The following SPTA1 variants were observed in gnomAD, a reference collection of about 807,000 sequenced individuals.
SPTA1 encodes spectrin alpha, erythrocytic 1.
A neutral mutation model predicts 324.7 loss-of-function variants in SPTA1; 177 were observed. The observed-to-expected ratio is 0.55, with a 90% CI of 0.48 to 0.62. The LOEUF (loss-of-function observed/expected upper bound fraction) is 0.62. Among genes scored for constraint, SPTA1 ranks in the 20% least tolerant of loss-of-function variants. SPTA1 has a pLI of 0.00. For synonymous variants in SPTA1, 1,195 were observed against 1,041.3 expected (o/e 1.15, Z -2.84); for missense variants, 3,162 against 2,883.6 (o/e 1.10, Z -2.21).
intron 44 of SPTA1, 117 bp from the exon 45 acceptor site, chr1:158,619,451 C>A: frequency 1.0e-6 from 1 of 970,226 alleles, no homozygotes; most frequent in South Asian, 1.3e-5. Context: ...ACCTATCTTC[C>A]ACAGGTATGT....
At chr1:158,634,848 C>A (rs1032315546) in intron 38 of SPTA1, among the ~76,000 whole-genome samples, 173 bp from the exon 39 acceptor site, 4 of 152,158 alleles carry the variant, frequency 2.6e-5, no homozygotes, top group Non-Finnish European at 5.9e-5. Flanking sequence ...TGGTGAAGAT[C>A]TGCTGTGAAA....
intron 10 of SPTA1, 118 bp from the exon 11 acceptor site, chr1:158,672,314 CT>C: frequency 1.8e-6 from 2 of 1,109,054 alleles, no homozygotes; most frequent in Admixed American, 4.5e-5. Context: ...AGCAAATGGG[CT>C]TTTAAGATTC....
rs1056563145 is a variant in SPTA1, at chr1:158,643,206, A to C, written c.4442+116T>G. The C allele has an allele frequency of 5.4e-6, 7 of 1,289,806 alleles. No individual in the cohort carries two copies. In the African/African-American group the frequency reaches 1.0e-4, roughly 19 times the overall value. 79.9% of individuals were successfully genotyped at this position (1,289,806 alleles called of 1,614,324 possible). A position where few individuals can be genotyped will look rare whatever the true frequency, so the allele number is the denominator to read the frequency against. Reference sequence around the variant, plus strand: ...AGAAAGTCTGCATAGGTGTCAAGATAGTTTTAGTCACCTAGAAATGACAGG... The same window carrying C: ...AGAAAGTCTGCATAGGTGTCAAGATCGTTTTAGTCACCTAGAAATGACAGG... On this transcript the variant is annotated intron_variant, in intron 31 of 51. Transcript: ENST00000643759.
intron 3 of SPTA1, among the ~76,000 whole-genome samples, chr1:158,682,469 C>T (rs950281323): frequency 2.0e-5 from 3 of 152,074 alleles, no homozygotes; most frequent in Non-Finnish European, 4.4e-5. Flanking sequence ...GTTAATTATA[C>T]TTTATACAAA....
chr1:158,680,628 T>C lies in SPTA1; in HGVS notation c.633A>G (p.Glu211=). The change falls in exon 5 of 52, where the codon GAA becomes GAG. Residue 211 remains glutamate, a synonymous_variant. Transcript: ENST00000643759. ...EDFQVELVAK[E]GRVVEVNQYA... ...ATTGGTTCACTTCAACAACTCTCCC[T>C]TCTTTAGCTACCAGCTCCACTTGGA... 21 of 1,613,942 alleles carry C rather than the reference T, an allele frequency of 1.3e-5. No individual in the cohort carries two copies. Among genetic ancestry groups the C allele is most frequent in the Non-Finnish European group, 1.7e-5 (20 of 1,179,882 alleles).
chr1:158,674,346 C>A lies in SPTA1; in HGVS notation c.1333G>T (p.Asp445Tyr). Reference protein sequence around the residue: ...DLVNANHEASDEVREKMEILD... With the variant: ...DLVNANHEASYEVREKMEILD... ...TAGATTACCTTTTCCCGAACTTCAT[C>A]AGAGGCTTCATGATTGGCATTCACG... The change falls in exon 10 of 52, where the codon GAT becomes TAT. Residue 445 changes from aspartate to tyrosine, a missense_variant. Coordinates refer to ENST00000643759, the MANE Select transcript of SPTA1 (RefSeq NM_003126.4). 1 of 1,614,050 alleles carries A rather than the reference C, an allele frequency of 6.2e-7. No homozygotes were observed. Among genetic ancestry groups the A allele is most frequent in the Non-Finnish European group, 8.5e-7 (1 of 1,179,946 alleles).
chr1:158,680,071 A>C (rs1654687402), intron 5 of SPTA1, among the ~76,000 whole-genome samples: 1 of 152,292 alleles, frequency 6.6e-6, no homozygotes, highest in Admixed American at 6.5e-5. Flanking sequence ...ATATATACAC[A>C]TCACAAACTT....
At chr1:158,614,590 A>T (rs971550435) in intron 48 of SPTA1, 1 of 365,646 alleles carries the variant, frequency 2.7e-6, no homozygotes, top group Non-Finnish European at 4.9e-6. Context: ...TTCAATGTCC[A>T]TATATAAAGC....
intron 39 of SPTA1, among the ~76,000 whole-genome samples, chr1:158,628,817 A>G (rs1407304838): frequency 6.6e-6 from 1 of 152,134 alleles, no homozygotes; most frequent in African/African-American, 2.4e-5. Flanking sequence ...TTATATGCCA[A>G]TAAACTAGAA....
intron 1 of SPTA1, among the ~76,000 whole-genome samples, chr1:158,685,838 A>C (rs950913175): frequency 6.6e-6 from 1 of 152,216 alleles, no homozygotes; most frequent in Non-Finnish European, 1.5e-5. Flanking sequence ...ACTTAAAAAT[A>C]AATCTCATAT....
At chr1:158,663,164 A>G (rs1257585150) in intron 16 of SPTA1, among the ~76,000 whole-genome samples, 1 of 152,206 alleles carries the variant, frequency 6.6e-6, no homozygotes. Context: ...CTCAAAACAT[A>G]TTTTAGAAAC....
chr1:158,627,879 T>G (rs779546224), intron 39 of SPTA1, among the ~76,000 whole-genome samples, 156 bp from the exon 40 acceptor site: 9 of 152,184 alleles, frequency 5.9e-5, no homozygotes, highest in Non-Finnish European at 1.3e-4. Flanking sequence ...CTATACTCAA[T>G]TGCTTTCTCA....
At chr1:158,666,276 C>T in intron 16 of SPTA1, 40 bp downstream of exon 16, 1 of 1,608,820 alleles carries the variant, frequency 6.2e-7, no homozygotes, top group South Asian at 1.1e-5. Context: ...AGAGCATATA[C>T]ACCCATTGCT....
intron 6 of SPTA1, 87 bp from the exon 7 acceptor site, chr1:158,677,921 C>T (rs1654512424): frequency 6.5e-7 from 1 of 1,527,450 alleles, no homozygotes; most frequent in Non-Finnish European, 9.0e-7. Context: ...CAAGGACCAT[C>T]CTAGTTGACC....
At chr1:158,615,657 C>T (rs1649510310) in intron 47 of SPTA1, among the ~76,000 whole-genome samples, 1 of 151,996 alleles carries the variant, frequency 6.6e-6, no homozygotes, top group South Asian at 2.1e-4. Flanking sequence ...GTTATACACA[C>T]ACACACATAC....
Position 158,618,072 on chromosome 1 carries a change from C to T in SPTA1, c.6531-16G>A. ...AAAGTAAGCCCTGGACATGGAGGTC[C>T]GGAACAGGAATCACATGAGAGAAAA... On this transcript the variant is annotated splice_polypyrimidine_tract_variant and intron_variant, in intron 45 of 51. Transcript: ENST00000643759. The T allele has an allele frequency of 1.2e-6, 2 of 1,609,246 alleles. No individual in the cohort carries two copies. Among genetic ancestry groups the T allele is most frequent in the Non-Finnish European group, 1.7e-6 (2 of 1,175,652 alleles).
chr1:158,661,752 G>A (rs563400739), intron 17 of SPTA1, among the ~76,000 whole-genome samples: 3 of 152,256 alleles, frequency 2.0e-5, no homozygotes, highest in East Asian at 3.9e-4. Flanking sequence ...GTACAAGGAA[G>A]GAACTTCTAC....
In SPTA1 at chr1:158,661,323, C is replaced by T; in HGVS notation, c.2551G>A (p.Glu851Lys). ...ATTTTGTTTCCCCTTTCTGTTATCT[C>T]TTGAATGCGTGGTTCATGGCTGGCA... is the stretch of plus-strand genomic sequence containing the variant. Reference protein sequence around the residue: ...NIASHEPRIQEITERGNKMVE... With the variant: ...NIASHEPRIQKITERGNKMVE... The change falls in exon 18 of 52, where the codon GAG becomes AAG. Residue 851 changes from glutamate to lysine, a missense_variant. Coordinates refer to ENST00000643759, the MANE Select transcript of SPTA1 (RefSeq NM_003126.4). 1 of 1,613,918 alleles carries T rather than the reference C, an allele frequency of 6.2e-7. No individual in the cohort carries two copies. Among genetic ancestry groups the T allele is most frequent in the Non-Finnish European group, 8.5e-7 (1 of 1,179,892 alleles).
At chr1:158,634,788 C>G in intron 38 of SPTA1, 113 bp from the exon 39 acceptor site, 1 of 1,303,420 alleles carries the variant, frequency 7.7e-7, no homozygotes, top group Non-Finnish European at 1.1e-6. Context: ...CACAAGGCAG[C>G]CACAGTTGAA....
Sources: gnomAD v4.1 joint callset for allele counts (sites outside exome capture counted in the v4.1 genomes callset) on GRCh38, gnomAD v4.1.1 for gene constraint, MANE v1.5 for transcripts, NCBI Gene and HGNC (gene_info 2026-07-23, HGNC 2026-07-21) for gene names.